DPH6: variants seen among roughly 807,000 people sequenced by gnomAD.
DPH6 encodes diphthamine biosynthesis 6, also known as diphthine--ammonia ligase.
DPH6 carries 33 observed loss-of-function variants against 38.2 expected under a neutral mutation model. The ratio of observed to expected loss-of-function variants is 0.86; its 90% confidence interval spans 0.65 to 1.15. The LOEUF (loss-of-function observed/expected upper bound fraction) is 1.15, where lower values mean the gene tolerates loss of function less well. DPH6 is among the 50% of genes most tolerant of loss of function. The probability of loss-of-function intolerance (pLI) is 0.00; values close to 1 mark genes in which losing one functional copy is unlikely to be tolerated. For synonymous variants in DPH6, 108 were observed against 103.0 expected (o/e 1.05, Z -0.30); for missense variants, 325 against 320.0 (o/e 1.02, Z -0.12).
chr15:35,334,569 C>T (rs1696710821), intron 3 of DPH6, among the ~76,000 whole-genome samples: 1 of 152,122 alleles, frequency 6.6e-6, no homozygotes, highest in Admixed American at 6.6e-5. Flanking sequence ...CCCATGCCCC[C>T]AATAGGCCCC....
At chr15:35,444,876 T>A (rs1301649119) in intron 5 of DPH6, among the ~76,000 whole-genome samples, 1 of 108,668 alleles carries the variant, frequency 9.2e-6, no homozygotes, top group Non-Finnish European at 2.3e-5. Context: ...TTAGTAATGG[T>A]CCTCAAGACC....
intron 1 of DPH6, among the ~76,000 whole-genome samples, chr15:35,544,375 A>G (rs1376829046): frequency 6.6e-6 from 1 of 152,104 alleles, no homozygotes; most frequent in Admixed American, 6.6e-5. Flanking sequence ...TAGGGGAGGG[A>G]TAACATTAGG....
chr15:35,169,305 T>C, the DPH6 span, among the ~76,000 whole-genome samples: 1 of 152,140 alleles, frequency 6.6e-6, no homozygotes, highest in East Asian at 1.9e-4. Context: ...GACATATGTA[T>C]CATTTCCCCA....
chr15:35,475,471 G>A (rs1384774200), intron 3 of DPH6, among the ~76,000 whole-genome samples: 6 of 152,036 alleles, frequency 3.9e-5, no homozygotes, highest in Admixed American at 1.3e-4. Context: ...TTCAGATGAA[G>A]CATGGAATAA....
intron 5 of DPH6, among the ~76,000 whole-genome samples, chr15:35,441,493 A>G (rs2053787493): frequency 6.6e-6 from 1 of 152,252 alleles, no homozygotes; most frequent in African/African-American, 2.4e-5. Flanking sequence ...AAAAAGGATG[A>G]GTTCGTCGCC....
At chr15:35,179,417 G>A in the DPH6 span, among the ~76,000 whole-genome samples, 6 of 151,772 alleles carry the variant, frequency 4.0e-5, no homozygotes, top group South Asian at 4.2e-4. Flanking sequence ...TGTTAATAAT[G>A]AAAATATCCA....
Position 35,250,973 on chromosome 15 carries a change from C to T in DPH6, n.201-30391G>A, listed in dbSNP as rs1487505062. ...TGTGTTACCAATAGTTTTCATAAGT[C>T]GTGCCAAGCAATCTACACATATGTT... On this transcript the variant is annotated intron_variant and non_coding_transcript_variant, in intron 3 of 3. Coordinates refer to the DPH6 transcript ENST00000560386. Among the ~76,000 whole-genome samples the T allele has an allele frequency of 2.6e-5, 4 of 152,220 alleles. No homozygotes were observed. The South Asian group carries it at 6.2e-4, about 24-fold the overall frequency.
At chr15:35,321,065 C>T (rs764093662) in intron 3 of DPH6, among the ~76,000 whole-genome samples, 1 of 152,200 alleles carries the variant, frequency 6.6e-6, no homozygotes, top group Non-Finnish European at 1.5e-5. Context: ...CTTGTGACCT[C>T]TGGTCCCATG....
intron 5 of DPH6, among the ~76,000 whole-genome samples, chr15:35,432,742 A>G (rs534126425): frequency 1.2e-4 from 19 of 152,310 alleles, no homozygotes; most frequent in South Asian, 8.3e-4. Flanking sequence ...TGAGAAAGGT[A>G]CTGAAGACAT....
chr15:35,491,245 A>G (rs1396856826), intron 3 of DPH6, among the ~76,000 whole-genome samples: 1 of 152,058 alleles, frequency 6.6e-6, no homozygotes, highest in East Asian at 1.9e-4. Context: ...AAAATTATAC[A>G]ATAAGGACAA....
chr15:35,364,790 G>A (rs759462232), intron 3 of DPH6, among the ~76,000 whole-genome samples: 1 of 151,522 alleles, frequency 6.6e-6, no homozygotes, highest in African/African-American at 2.4e-5. Flanking sequence ...AAGACTTCTT[G>A]AATCTATACT....
chr15:35,152,915 C>T, the DPH6 span, among the ~76,000 whole-genome samples: 73 of 152,234 alleles, frequency 4.8e-4, no homozygotes, highest in Non-Finnish European at 9.6e-4. Flanking sequence ...TGAGATTTAG[C>T]TAGGGCAGGG....
chr15:35,365,949 C>G, downstream of DPH6: 2 of 985,230 alleles, frequency 2.0e-6, no homozygotes, highest in Non-Finnish European at 2.4e-6. Flanking sequence ...TCCATCTTGA[C>G]AAATCACTTT....
intron 3 of DPH6, among the ~76,000 whole-genome samples, chr15:35,285,731 A>G (rs2051936647): frequency 6.6e-6 from 1 of 152,050 alleles, no homozygotes; most frequent in South Asian, 2.1e-4. Context: ...ATAGTATCGA[A>G]TTAAGTGGAA....
chr15:35,541,023 A>T (rs2055245587), intron 2 of DPH6, among the ~76,000 whole-genome samples: 1 of 152,146 alleles, frequency 6.6e-6, no homozygotes, highest in African/African-American at 2.4e-5. Flanking sequence ...TACAGAAGTT[A>T]GAGTGCAGTT....
chr15:35,527,190 G>GA (rs966360475), intron 3 of DPH6, among the ~76,000 whole-genome samples: 8 of 151,798 alleles, frequency 5.3e-5, no homozygotes, highest in Non-Finnish European at 1.2e-4. Context: ...TGTATGCAAT[G>GA]AAAAAAAATG....
At chr15:35,315,465 C>A (rs1177388310) in intron 3 of DPH6, among the ~76,000 whole-genome samples, 1 of 152,188 alleles carries the variant, frequency 6.6e-6, no homozygotes, top group Non-Finnish European at 1.5e-5. Flanking sequence ...TAGTCCGCAA[C>A]TGCAGTTACT....
At chr15:35,300,562 T>C (rs899578453) in intron 3 of DPH6, among the ~76,000 whole-genome samples, 1 of 152,202 alleles carries the variant, frequency 6.6e-6, no homozygotes, top group Admixed American at 6.5e-5. Flanking sequence ...GCCTATGTTT[T>C]TGGCTTGAGC....
chr15:35,247,810 A>G (rs1193018092), intron 3 of DPH6, among the ~76,000 whole-genome samples: 1 of 152,214 alleles, frequency 6.6e-6, no homozygotes, highest in Non-Finnish European at 1.5e-5. Context: ...ATTAAAAACT[A>G]TGCACCGTCA....
Sources: gnomAD v4.1 joint callset for allele counts (sites outside exome capture counted in the v4.1 genomes callset) on GRCh38, gnomAD v4.1.1 for gene constraint, MANE v1.5 for transcripts, NCBI Gene and HGNC (gene_info 2026-07-23, HGNC 2026-07-21) for gene names.